The following PRKACB variants were observed in gnomAD, a reference collection of about 807,000 sequenced individuals.
PRKACB encodes the protein protein kinase cAMP-activated catalytic subunit beta, also known as cAMP-dependent protein kinase catalytic subunit beta.
A neutral mutation model predicts 51.4 loss-of-function variants in PRKACB; 16 were observed. That is an observed-to-expected ratio of 0.31 (90% CI 0.21 to 0.47). The LOEUF is 0.47. PRKACB is among the 20% of genes least tolerant of loss of function. The pLI, the probability that PRKACB is intolerant of heterozygous loss-of-function variation, is 1.00. For synonymous variants in PRKACB, 147 were observed against 154.4 expected, an observed-to-expected ratio of 0.95 and a Z score of 0.35; for missense variants, 309 against 464.5, an observed-to-expected ratio of 0.67 and a Z score of 3.08.
At chr1:84,192,681 A>G (rs914960334) in intron 5 of PRKACB, among the ~76,000 whole-genome samples, 2 of 152,110 alleles carry the variant, frequency 1.3e-5, no homozygotes, top group African/African-American at 4.8e-5. Flanking sequence ...TGAAATTTTT[A>G]TTAGCCTTAA....
chr1:84,164,599 G>A, intron 1 of PRKACB: 1 of 1,368,116 alleles, frequency 7.3e-7, no homozygotes, highest in African/African-American at 1.5e-5. Context: ...GGATACAAGT[G>A]AACCGATAAT....
chr1:84,215,992 A>G (rs1406057030), intron 9 of PRKACB, among the ~76,000 whole-genome samples: 3 of 152,160 alleles, frequency 2.0e-5, no homozygotes, highest in Non-Finnish European at 4.4e-5. Context: ...TAATGCTCTA[A>G]TTAAGTATTA....
chr1:84,106,238 A>G (rs1649737569), intron 1 of PRKACB, among the ~76,000 whole-genome samples: 2 of 152,116 alleles, frequency 1.3e-5, no homozygotes, highest in Admixed American at 6.6e-5. Flanking sequence ...CCTAGTCAAC[A>G]TAGTGTTGGA....
At chr1:84,097,876 A>G (rs1649045968) in intron 1 of PRKACB, among the ~76,000 whole-genome samples, 1 of 152,120 alleles carries the variant, frequency 6.6e-6, no homozygotes, top group Non-Finnish European at 1.5e-5. Flanking sequence ...GATAATGCTC[A>G]TCCACATTAT....
intron 1 of PRKACB, chr1:84,174,950 T>C: frequency 7.8e-7 from 1 of 1,287,494 alleles, no homozygotes; most frequent in Non-Finnish European, 1.0e-6. Flanking sequence ...TATAGTATTC[T>C]GAAAAAATGC....
chr1:84,220,318 TTTAC>T (rs1204791430), intron 9 of PRKACB, among the ~76,000 whole-genome samples: 1 of 152,160 alleles, frequency 6.6e-6, no homozygotes, highest in Non-Finnish European at 1.5e-5. Context: ...ATTCTGCACC[TTTAC>T]TTATTTTTTT....
chr1:84,188,485 G>T (rs1411637419), intron 5 of PRKACB, among the ~76,000 whole-genome samples: 1 of 151,750 alleles, frequency 6.6e-6, no homozygotes, highest in Non-Finnish European at 1.5e-5. Context: ...ATCTAGAATA[G>T]CCATGGGTAA....
chr1:84,125,901 A>G (rs1187088736), intron 1 of PRKACB, among the ~76,000 whole-genome samples: 1 of 152,142 alleles, frequency 6.6e-6, no homozygotes, highest in African/African-American at 2.4e-5. Flanking sequence ...CAGAAATGGG[A>G]TAGTTCCCTT....
At chr1:84,094,274 A>G (rs1359290585) in intron 1 of PRKACB, among the ~76,000 whole-genome samples, 3 of 151,708 alleles carry the variant, frequency 2.0e-5, no homozygotes, top group Non-Finnish European at 4.4e-5. Flanking sequence ...TTTGCTAATT[A>G]TTTTTCCTTT....
At chr1:84,143,177 G>A (rs1396561415), upstream of PRKACB, among the ~76,000 whole-genome samples, 1 of 152,134 alleles carries the variant, frequency 6.6e-6, no homozygotes, top group African/African-American at 2.4e-5. Context: ...CAGGCGCGGT[G>A]GCTCACACTT....
intron 8 of PRKACB, among the ~76,000 whole-genome samples, chr1:84,210,095 A>G (rs1189117458): frequency 6.6e-6 from 1 of 152,184 alleles, no homozygotes; most frequent in Non-Finnish European, 1.5e-5. Flanking sequence ...TTTTTTAAGT[A>G]TCACAAGTGA....
At chr1:84,159,518 A>G (rs548248093) in intron 1 of PRKACB, among the ~76,000 whole-genome samples, 4 of 152,130 alleles carry the variant, frequency 2.6e-5, no homozygotes, top group East Asian at 3.9e-4. Flanking sequence ...GATTCCTTAT[A>G]ATTTTCTACA....
intron 1 of PRKACB, among the ~76,000 whole-genome samples, chr1:84,150,773 A>G (rs1267743717): frequency 1.3e-5 from 2 of 152,132 alleles, no homozygotes; most frequent in African/African-American, 4.8e-5. Context: ...ATGAGCCAAA[A>G]TAAATCTCTT....
At chr1:84,186,255 G>T (rs1244831481) in intron 5 of PRKACB, among the ~76,000 whole-genome samples, 1 of 151,676 alleles carries the variant, frequency 6.6e-6, no homozygotes, top group Non-Finnish European at 1.5e-5. Flanking sequence ...GTCTCCCTCT[G>T]TTGCCCAGGC....
chr1:84,179,117 TC>T lies in PRKACB; in HGVS notation c.188-59del, dbSNP rs1662335684. On this transcript the variant is annotated intron_variant, in intron 1 of 9. Transcript: ENST00000370685. The stretch of plus-strand genomic sequence containing the variant: ...AGAAAACCATATGCAATATAAATAT[TC>T]TTATACAGAATATAAATATTCTTAC... 4 of 1,475,856 alleles carry T rather than the reference TC, an allele frequency of 2.7e-6. No homozygotes were observed. In the African/African-American group the frequency reaches 4.3e-5, roughly 16 times the overall value. 91.4% of individuals were successfully genotyped at this position (1,475,856 alleles called of 1,614,324 possible).
At chr1:84,153,864 C>G (rs140545379) in intron 1 of PRKACB, among the ~76,000 whole-genome samples, 39 of 152,190 alleles carry the variant, frequency 2.6e-4, no homozygotes, top group African/African-American at 8.9e-4. Flanking sequence ...ATCTCTTAGA[C>G]ATACTGATTT....
At chr1:84,094,083 C>T (rs1226780421) in intron 1 of PRKACB, among the ~76,000 whole-genome samples, 2 of 151,896 alleles carry the variant, frequency 1.3e-5, no homozygotes, top group Non-Finnish European at 2.9e-5. Context: ...AGTCCTTATA[C>T]ATTTTTTTTG....
chr1:84,143,449 T>TA (rs962237816), upstream of PRKACB, among the ~76,000 whole-genome samples: 3 of 150,882 alleles, frequency 2.0e-5, no homozygotes, highest in East Asian at 3.9e-4. Flanking sequence ...AAACAACGTT[T>TA]AAAAAAAAAT....
intron 1 of PRKACB, among the ~76,000 whole-genome samples, chr1:84,120,863 T>A (rs997253787): frequency 2.0e-5 from 3 of 152,064 alleles, no homozygotes; most frequent in Non-Finnish European, 4.4e-5. Context: ...CACCTTCTGG[T>A]TCCCAGATAC....
Sources: gnomAD v4.1 joint callset for allele counts (sites outside exome capture counted in the v4.1 genomes callset) on GRCh38, gnomAD v4.1.1 for gene constraint, MANE v1.5 for transcripts, NCBI Gene and HGNC (gene_info 2026-07-23, HGNC 2026-07-21) for gene names.